NASP: variants seen among roughly 807,000 people sequenced by gnomAD.
The protein encoded by NASP is NASP histone chaperone.
NASP carries 24 observed loss-of-function variants against 89.5 expected under a neutral mutation model. The ratio of observed to expected loss-of-function variants is 0.27; its 90% confidence interval spans 0.19 to 0.38. NASP has a LOEUF of 0.38. Among genes scored for constraint, NASP ranks in the 10% least tolerant of loss-of-function variants. NASP has a pLI of 1.00. For missense variants in NASP, 848 were observed against 921.4 expected, an observed-to-expected ratio of 0.92 and a Z score of 1.03; for synonymous variants, 306 against 324.7, an observed-to-expected ratio of 0.94 and a Z score of 0.62.
chr1:45,615,727 G>T, intron 11 of NASP: 1 of 414,530 alleles, frequency 2.4e-6, no homozygotes, highest in Non-Finnish European at 4.3e-6. Context: ...GGATAATACA[G>T]GTTGAGTATC....
Position 45,618,312 on chromosome 1 carries a change from T to G in NASP, c.*171T>G, listed in dbSNP as rs1644144304. ...AATCTGCCTTGGAGCACTGCTGGTTTTATATATTAGCCAAAGGTTTTGTTC... is the reference window on the plus strand; with the variant it reads ...AATCTGCCTTGGAGCACTGCTGGTTGTATATATTAGCCAAAGGTTTTGTTC... On this transcript the variant is annotated 3_prime_UTR_variant, in exon 15 of 15. Transcript: ENST00000350030. 5.3e-6 allele frequency: 3 copies of G among 564,576 alleles called. No individual in the cohort carries two copies. Among genetic ancestry groups the G allele is most frequent in the Admixed American group, 3.1e-5 (1 of 32,020 alleles). The allele number at this position is 564,576 out of a possible 1,614,324, so 35.0% of individuals were successfully genotyped here.
intron 2 of NASP, among the ~76,000 whole-genome samples, chr1:45,598,769 T>C (rs1643760378): frequency 6.6e-6 from 1 of 152,222 alleles, no homozygotes. Context: ...TCAGTGGCAA[T>C]GTTGTTCTAG....
rs904669890 is a variant in NASP at position 45,602,245 on chromosome 1, T to G, written c.108-10T>G. On this transcript the variant is annotated splice_polypyrimidine_tract_variant and intron_variant, in intron 2 of 14. Transcript: ENST00000350030. ...AGTACTTGACACTAGAAAAAATCTT[T>G]TTTTTGCAGTCTGGATGTGGATAGT... 3.7e-6 allele frequency: 6 copies of G among 1,607,448 alleles called. No individual in the cohort carries two copies. The highest frequency in any genetic ancestry group is 5.1e-6 in the Non-Finnish European group (6 of 1,177,764).
chr1:45,598,794 AT>A (rs774191290), intron 2 of NASP, among the ~76,000 whole-genome samples: 3 of 152,148 alleles, frequency 2.0e-5, no homozygotes, highest in Non-Finnish European at 4.4e-5. Context: ...TTTCATCTAG[AT>A]TGTGTAGATT....
chr1:45,584,286 G>C (rs923594603), intron 1 of NASP, 81 bp downstream of exon 1: 12 of 1,358,180 alleles, frequency 8.8e-6, no homozygotes, highest in African/African-American at 4.3e-5. Flanking sequence ...AGAAGGGGCA[G>C]ACCGGTGGGC....
In NASP at chr1:45,600,318, A is replaced by T. The variant is rs561371595; in HGVS notation, c.108-1937A>T. On this transcript the variant is annotated intron_variant, in intron 2 of 14. Transcript: ENST00000350030. The stretch of plus-strand genomic sequence containing the variant: ...CCTGTAAACCATTATCACAATCAAG[A>T]TAATGAGTATTTTCATCACCTCAAA... 2.2e-5 allele frequency: 26 copies of T among 1,165,140 alleles called. No individual in the cohort carries two copies. In the South Asian group the frequency reaches 3.5e-4, roughly 16 times the overall value. The allele number at this position is 1,165,140 out of a possible 1,614,324, so 72.2% of individuals were successfully genotyped here. A position where few individuals can be genotyped will look rare whatever the true frequency, so the allele number is the denominator to read the frequency against.
At chr1:45,604,008 TTC>T (rs1346249102) in intron 3 of NASP, among the ~76,000 whole-genome samples, 2 of 152,232 alleles carry the variant, frequency 1.3e-5, no homozygotes, top group Non-Finnish European at 2.9e-5. Context: ...TAGGTTATTT[TTC>T]CCAGATTACT....
At chr1:45,595,129 TTGTGTGTGTGTGTGTGTGTGTGTGTGTG>T (rs57391869) in intron 2 of NASP, among the ~76,000 whole-genome samples, 71 of 111,866 alleles carry the variant, frequency 6.3e-4, no homozygotes, top group Admixed American at 2.0e-3. Flanking sequence ...AGACTAAGTT[TTGTGTGTGTGTGTGTGTGTGTGTGTGTG>T]TGTGTGTGTG....
intron 5 of NASP, 191 bp from the exon 6 acceptor site, chr1:45,607,130 T>C: frequency 1.7e-6 from 1 of 598,380 alleles, no homozygotes; most frequent in Non-Finnish European, 2.9e-6. Flanking sequence ...TGGGTTTCTT[T>C]TGCAGTAAGT....
Position 45,602,313 on chromosome 1 carries a change from A to G in NASP, c.166A>G (p.Met56Val), listed in dbSNP as rs777422030. The G allele has an allele frequency of 3.1e-6, 5 of 1,613,768 alleles. No homozygotes were observed. Among genetic ancestry groups the G allele is most frequent in the Non-Finnish European group, 4.2e-6 (5 of 1,179,742 alleles). The change falls in exon 3 of 15, where the codon ATG becomes GTG. Residue 56 changes from methionine to valine, a missense_variant. Physicochemically the swap from Met to Val is conservative, Grantham distance 21. Coordinates refer to ENST00000350030, the MANE Select transcript of NASP (RefSeq NM_002482.4). ...LLGLGQKHLV[M>V]GDIPAAVNAF... ...GGGTTTAGGACAGAAACATCTGGTGATGGGGGATATTCCAGCAGCTGTCAA... is the reference window on the plus strand; with the variant it reads ...GGGTTTAGGACAGAAACATCTGGTGGTGGGGGATATTCCAGCAGCTGTCAA...
rs1557657508 is a variant in NASP at position 45,602,312 on chromosome 1, G to A, written c.165G>A (p.Val55=). The A allele has an allele frequency of 6.2e-7, 1 of 1,613,818 alleles. No homozygotes were observed. The highest frequency in any genetic ancestry group is 8.5e-7 in the Non-Finnish European group (1 of 1,179,778). ...KLLGLGQKHL[V]MGDIPAAVNA... ...TGGGTTTAGGACAGAAACATCTGGT[G>A]ATGGGGGATATTCCAGCAGCTGTCA... Residue 55 remains valine (V), a synonymous_variant, in exon 3 of 15, where the codon GTG becomes GTA. Coordinates refer to ENST00000350030, the MANE Select transcript of NASP (RefSeq NM_002482.4).
chr1:45,616,778 C>T, intron 13 of NASP, 75 bp downstream of exon 13: 1 of 1,359,520 alleles, frequency 7.4e-7, no homozygotes. Flanking sequence ...ATAAACCCCT[C>T]CCTATAGTTG....
chr1:45,589,510 G>A lies in NASP; in HGVS notation c.60-1713G>A, dbSNP rs1643461661. The stretch of plus-strand genomic sequence containing the variant: ...TCCTCTAGTACTTCTCTGGATTCAT[G>A]CTCATTCTAAAAATTCATAATGAAC... On this transcript the variant is annotated intron_variant, in intron 1 of 14. Transcript: ENST00000350030. Among the ~76,000 whole-genome samples, 5 of 152,094 alleles carry A rather than the reference G, an allele frequency of 3.3e-5. 1 individual carries two copies. The South Asian group carries it at 1.0e-3, about 32-fold the overall frequency.
At position 45,584,203 on chromosome 1, in the gene NASP, C is replaced by T. The variant is rs1208617758; in HGVS notation, c.57C>T (p.Asp19=). 1.3e-6 allele frequency: 2 copies of T among 1,587,450 alleles called. No individual in the cohort carries two copies. The highest frequency in any genetic ancestry group is 1.7e-6 in the Non-Finnish European group (2 of 1,166,688). ...AAVAAELVSA[D]KIEDVPAPST... ...TCGCCGCGGAGCTGGTTTCTGCCGACAAGTAAGCGGGACTGTGGAAAGCTT... is the reference window on the plus strand; with the variant it reads ...TCGCCGCGGAGCTGGTTTCTGCCGATAAGTAAGCGGGACTGTGGAAAGCTT... The change falls in exon 1 of 15, where the codon GAC becomes GAT. Residue 19 remains aspartate, a splice_region_variant and synonymous_variant. Transcript: ENST00000350030.
chr1:45,588,928 CAA>C (rs949754042), intron 1 of NASP: 2 of 172,292 alleles, frequency 1.2e-5, no homozygotes, highest in East Asian at 3.7e-4. Flanking sequence ...GTCTCAAAAA[CAA>C]AAGAATGAGC....
chr1:45,611,228 G>C (rs1644003051), intron 6 of NASP: 1 of 152,112 alleles, frequency 6.6e-6, no homozygotes, highest in Non-Finnish European at 1.5e-5. Flanking sequence ...AATTGATATT[G>C]TTATCTTCTA....
chr1:45,604,058 T>TA (rs1183808931), intron 3 of NASP, among the ~76,000 whole-genome samples: 2 of 152,172 alleles, frequency 1.3e-5, no homozygotes, highest in Non-Finnish European at 2.9e-5. Flanking sequence ...CCATTAAGGG[T>TA]ATTTAGGAGG....
intron 6 of NASP, among the ~76,000 whole-genome samples, chr1:45,608,961 C>T (rs60916630): frequency 6.6e-6 from 1 of 152,114 alleles, no homozygotes; most frequent in Non-Finnish European, 1.5e-5. Flanking sequence ...AGGCCCCCCC[C>T]ACCTTCCCCA....
chr1:45,594,330 A>G (rs1205502747), intron 2 of NASP, among the ~76,000 whole-genome samples: 1 of 152,022 alleles, frequency 6.6e-6, no homozygotes, highest in Admixed American at 6.6e-5. Context: ...TCTCAAAAAA[A>G]AAAAACAAAC....
Sources: gnomAD v4.1 joint callset for allele counts (sites outside exome capture counted in the v4.1 genomes callset) on GRCh38, gnomAD v4.1.1 for gene constraint, MANE v1.5 for transcripts, NCBI Gene and HGNC (gene_info 2026-07-23, HGNC 2026-07-21) for gene names.